The following ESRRG variants were observed in gnomAD, a reference collection of about 807,000 sequenced individuals.
The protein encoded by ESRRG is estrogen-related receptor gamma.
Under a neutral mutation model 44.0 loss-of-function variants are expected in ESRRG, and 13 were observed. That is an observed-to-expected ratio of 0.30 (90% CI 0.19 to 0.47). The LOEUF is 0.47. Ranked by LOEUF, ESRRG falls within the 20% of genes least tolerant of loss-of-function variation. The pLI, the probability that ESRRG is intolerant of heterozygous loss-of-function variation, is 1.00. For missense variants in ESRRG, 395 were observed against 580.6 expected (o/e 0.68, Z 3.29); for synonymous variants, 215 against 214.6 (o/e 1.00, Z -0.02).
intron 2 of ESRRG, among the ~76,000 whole-genome samples, chr1:216,770,246 A>T (rs1365452223): frequency 6.6e-6 from 1 of 152,072 alleles, no homozygotes; most frequent in East Asian, 1.9e-4. Context: ...GAGGGGAAAA[A>T]AATAGGACTG....
In ESRRG at chr1:216,846,945, A is replaced by G. The variant is rs970448941; in HGVS notation, c.-14+92637T>C. Reference sequence around the variant, plus strand: ...AAAGCAAGTTTCCAGGAGTACTGCAACAGTGCAGTCACTAAACTAAGAAAA... The same window carrying G: ...AAAGCAAGTTTCCAGGAGTACTGCAGCAGTGCAGTCACTAAACTAAGAAAA... On this transcript the variant is annotated intron_variant, in intron 2 of 7. Transcript: ENST00000359162. Among the ~76,000 whole-genome samples the G allele has an allele frequency of 3.9e-5, 6 of 152,134 alleles. No individual in the cohort carries two copies. In the East Asian group the frequency reaches 7.7e-4, roughly 19 times the overall value.
chr1:216,588,134 T>C (rs2056995326), intron 3 of ESRRG, among the ~76,000 whole-genome samples: 1 of 152,200 alleles, frequency 6.6e-6, no homozygotes, highest in African/African-American at 2.4e-5. Context: ...TGAACCAATA[T>C]CAATAAATAA....
intron 2 of ESRRG, among the ~76,000 whole-genome samples, chr1:216,919,742 G>A (rs528391116): frequency 6.6e-5 from 10 of 152,224 alleles, no homozygotes; most frequent in African/African-American, 1.9e-4. Context: ...GACCTGACCC[G>A]GGTGTTAATT....
intron 1 of ESRRG, among the ~76,000 whole-genome samples, chr1:216,995,828 T>C (rs1488704680): frequency 6.6e-6 from 1 of 152,114 alleles, no homozygotes; most frequent in African/African-American, 2.4e-5. Flanking sequence ...GACTACATTT[T>C]GTCCTATTCT....
chr1:216,914,200 G>C (rs911218415), intron 2 of ESRRG, among the ~76,000 whole-genome samples: 1 of 151,950 alleles, frequency 6.6e-6, no homozygotes, highest in Non-Finnish European at 1.5e-5. Context: ...GGCAGGAAAA[G>C]CTTGAGTTCT....
At chr1:217,084,745 C>A (rs576975006) in intron 1 of ESRRG, among the ~76,000 whole-genome samples, 1 of 152,226 alleles carries the variant, frequency 6.6e-6, no homozygotes, top group South Asian at 2.1e-4. Context: ...TTAGCAGATA[C>A]ACCATAAGAA....
intron 1 of ESRRG, among the ~76,000 whole-genome samples, chr1:216,705,862 G>A (rs964315871): frequency 6.6e-6 from 1 of 152,178 alleles, no homozygotes; most frequent in Non-Finnish European, 1.5e-5. Context: ...GCAGCAGGTG[G>A]GGCAGATGGC....
intron 3 of ESRRG, among the ~76,000 whole-genome samples, chr1:216,619,732 CAT>C (rs1303030057): frequency 6.6e-6 from 1 of 152,116 alleles, no homozygotes; most frequent in Non-Finnish European, 1.5e-5. Flanking sequence ...TTTTTCACAA[CAT>C]AGAATGGTTT....
At chr1:217,109,482 TG>T (rs1236951872) in intron 1 of ESRRG, among the ~76,000 whole-genome samples, 7 of 152,184 alleles carry the variant, frequency 4.6e-5, no homozygotes, top group Admixed American at 2.0e-4. Context: ...GCTTATGTTC[TG>T]GGCTGAACTA....
At chr1:216,704,104 G>C (rs1447219577) in intron 1 of ESRRG, among the ~76,000 whole-genome samples, 1 of 152,122 alleles carries the variant, frequency 6.6e-6, no homozygotes, top group Non-Finnish European at 1.5e-5. Flanking sequence ...TCCCCATATA[G>C]ACCTTGCTTA....
intron 4 of ESRRG, among the ~76,000 whole-genome samples, chr1:216,567,250 T>C (rs1377564214): frequency 6.6e-6 from 1 of 152,160 alleles, no homozygotes; most frequent in African/African-American, 2.4e-5. Flanking sequence ...ATTAACTGAT[T>C]TTCAGAAAAT....
chr1:216,555,929 A>G (rs1263882670), intron 5 of ESRRG, among the ~76,000 whole-genome samples: 2 of 152,126 alleles, frequency 1.3e-5, no homozygotes, highest in Non-Finnish European at 2.9e-5. Flanking sequence ...AAGTGCGACC[A>G]GCCCACTGAA....
At chr1:216,978,814 CAAA>C (rs1378059084) in intron 1 of ESRRG, among the ~76,000 whole-genome samples, 2 of 152,194 alleles carry the variant, frequency 1.3e-5, no homozygotes, top group East Asian at 3.9e-4. Flanking sequence ...TGTGGCTTCT[CAAA>C]GAAGGAGGCC....
At position 216,571,336 on chromosome 1, in the gene ESRRG, A is replaced by G. The variant is rs182959707; in HGVS notation, c.590-3238T>C. Among the ~76,000 whole-genome samples, 3 of 152,184 alleles carry G rather than the reference A, an allele frequency of 2.0e-5. No homozygotes were observed. In the East Asian group the frequency reaches 5.8e-4, roughly 29 times the overall value. ...TGGGCACCTGTAATCCCAGGTACTC[A>G]GGAGGCTGAGGTAGGAGAATCGCTT... is the stretch of plus-strand genomic sequence containing the variant. On this transcript the variant is annotated intron_variant, in intron 3 of 6. Coordinates refer to ENST00000408911, the MANE Select transcript of ESRRG (RefSeq NM_001438.4).
intron 1 of ESRRG, among the ~76,000 whole-genome samples, chr1:217,132,316 TC>T (rs1188084395): frequency 6.6e-6 from 1 of 152,066 alleles, no homozygotes; most frequent in Non-Finnish European, 1.5e-5. Context: ...CGTATTCTAG[TC>T]AAAGGTCTAG....
intron 3 of ESRRG, among the ~76,000 whole-genome samples, chr1:216,630,193 G>A (rs2063895388): frequency 6.6e-6 from 1 of 152,090 alleles, no homozygotes. Flanking sequence ...CTTCATGACA[G>A]CAACATTTAT....
intron 3 of ESRRG, among the ~76,000 whole-genome samples, chr1:216,585,805 C>A (rs2063655083): frequency 6.6e-6 from 1 of 152,016 alleles, no homozygotes; most frequent in South Asian, 2.1e-4. Flanking sequence ...TTTTGGGAGG[C>A]CGAGGTGGGC....
chr1:216,579,980 T>A (rs1022059793), intron 3 of ESRRG, among the ~76,000 whole-genome samples: 1 of 152,216 alleles, frequency 6.6e-6, no homozygotes, highest in South Asian at 2.1e-4. Context: ...TTGTTACATA[T>A]ATTCAGCTTA....
intron 1 of ESRRG, among the ~76,000 whole-genome samples, chr1:216,690,034 GA>G (rs1057366569): frequency 9.2e-5 from 14 of 151,588 alleles, no homozygotes; most frequent in South Asian, 2.1e-4. Flanking sequence ...TATAAAATTG[GA>G]AAAAAAAGTT....
Sources: allele counts gnomAD v4.1 joint callset (sites outside exome capture counted in the v4.1 genomes callset), GRCh38; gene constraint gnomAD v4.1.1; transcripts MANE v1.5; gene names NCBI Gene and HGNC (gene_info 2026-07-23, HGNC 2026-07-21).